Variants in GNG4 observed in about 807,000 individuals in gnomAD.
The protein encoded by GNG4 is guanine nucleotide-binding protein G(I)/G(S)/G(O) subunit gamma-4.
Under a neutral mutation model 5.8 loss-of-function variants are expected in GNG4, and 4 were observed. That is an observed-to-expected ratio of 0.69 (90% CI 0.34 to 1.57). The LOEUF is 1.57. Among genes scored for constraint, GNG4 ranks in the 40% most tolerant of loss-of-function variants. The pLI is 0.06. For synonymous variants in GNG4, 29 were observed against 32.9 expected, an observed-to-expected ratio of 0.88 and a Z score of 0.41; for missense variants, 96 against 95.1, an observed-to-expected ratio of 1.01 and a Z score of -0.04.
At chr1:235,557,003 G>T (rs1241113829) in intron 3 of GNG4, among the ~76,000 whole-genome samples, 1 of 152,064 alleles carries the variant, frequency 6.6e-6, no homozygotes, top group Non-Finnish European at 1.5e-5. Context: ...CAGAGCTCAA[G>T]CGGTAATGCA....
intron 2 of GNG4, among the ~76,000 whole-genome samples, chr1:235,587,583 GTGA>G (rs1265850772): frequency 5.8e-3 from 38 of 6,540 alleles, no homozygotes; most frequent in East Asian, 0.022. Context: ...TGGGGTGGCG[GTGA>G]GTGTGAGTGT....
At chr1:235,555,407 T>C (rs1298159073) in intron 3 of GNG4, among the ~76,000 whole-genome samples, 2 of 152,234 alleles carry the variant, frequency 1.3e-5, no homozygotes, top group Non-Finnish European at 2.9e-5. Flanking sequence ...TTACATTTAC[T>C]GAGTGCTTCT....
intron 3 of GNG4, among the ~76,000 whole-genome samples, chr1:235,558,268 C>T (rs200828770): frequency 2.0e-5 from 3 of 152,270 alleles, no homozygotes; most frequent in African/African-American, 2.4e-5. Flanking sequence ...GGCCCACTTA[C>T]GCACAGCTGC....
chr1:235,639,786 C>T (rs1336337962), intron 1 of GNG4, among the ~76,000 whole-genome samples: 1 of 152,214 alleles, frequency 6.6e-6, no homozygotes, highest in Non-Finnish European at 1.5e-5. Context: ...GGATATCAGG[C>T]GTGAGCCACC....
intron 1 of GNG4, among the ~76,000 whole-genome samples, chr1:235,603,220 G>A (rs1190074708): frequency 1.3e-5 from 2 of 151,436 alleles, no homozygotes; most frequent in Non-Finnish European, 2.9e-5. Context: ...CTCCAGCCTG[G>A]ACAACAGAGC....
intron 2 of GNG4, among the ~76,000 whole-genome samples, chr1:235,594,567 C>A (rs1007327333): frequency 6.6e-6 from 1 of 152,188 alleles, no homozygotes; most frequent in African/African-American, 2.4e-5. Context: ...AGGTCCCGAG[C>A]CCTGCCCCGC....
rs191294585 is a variant in GNG4, at chr1:235,603,955, C to T, written c.-122-8444G>A. Among the ~76,000 whole-genome samples the T allele has an allele frequency of 5.3e-5, 8 of 152,184 alleles. No homozygotes were observed. The South Asian group carries it at 1.0e-3, about 20-fold the overall frequency. On this transcript the variant is annotated intron_variant, in intron 1 of 3. Transcript: ENST00000391854. ...AGAAAGAGAAACTAGATCCACCTTC[C>T]GTGGGACCCTTCACGCTATCCACTC...
intron 3 of GNG4, among the ~76,000 whole-genome samples, chr1:235,573,264 G>A (rs1687389080): frequency 6.7e-6 from 1 of 149,876 alleles, no homozygotes; most frequent in South Asian, 2.1e-4. Flanking sequence ...ACTCATAGGT[G>A]GGAATTGAAC....
intron 1 of GNG4, among the ~76,000 whole-genome samples, chr1:235,632,194 T>C (rs1198854045): frequency 6.6e-6 from 1 of 152,082 alleles, no homozygotes; most frequent in African/African-American, 2.4e-5. Context: ...GCTCAAGTCA[T>C]CCTCCTGCCT....
intron 3 of GNG4, among the ~76,000 whole-genome samples, chr1:235,565,128 C>A (rs1225811354): frequency 6.6e-6 from 1 of 152,194 alleles, no homozygotes; most frequent in Non-Finnish European, 1.5e-5. Flanking sequence ...CCAGAGGAGG[C>A]AGGAGACCAC....
At chr1:235,580,892 A>G (rs1469748447) in intron 3 of GNG4, among the ~76,000 whole-genome samples, 2 of 152,014 alleles carry the variant, frequency 1.3e-5, no homozygotes, top group African/African-American at 4.8e-5. Context: ...CTGGGATTAC[A>G]GGCACACGTC....
chr1:235,560,000 G>A (rs1003069201), intron 3 of GNG4, among the ~76,000 whole-genome samples: 17 of 152,162 alleles, frequency 1.1e-4, no homozygotes, highest in African/African-American at 4.1e-4. Context: ...AACCAAGCCC[G>A]TTCAACAGGT....
At chr1:235,650,171 G>A (rs898740012), upstream of GNG4, among the ~76,000 whole-genome samples, 4 of 150,106 alleles carry the variant, frequency 2.7e-5, no homozygotes, top group South Asian at 2.1e-4. Flanking sequence ...TCCCAGCAAA[G>A]GGCCGCGCCC....
chr1:235,634,577 T>C (rs1688993087), intron 1 of GNG4, among the ~76,000 whole-genome samples: 1 of 152,232 alleles, frequency 6.6e-6, no homozygotes, highest in South Asian at 2.1e-4. Context: ...CTTATCTGTA[T>C]TTTCTTTCTG....
intron 3 of GNG4, among the ~76,000 whole-genome samples, chr1:235,561,408 C>G (rs761628789): frequency 6.9e-6 from 1 of 145,436 alleles, no homozygotes; most frequent in African/African-American, 2.8e-5. Flanking sequence ...CTCTCTCTCT[C>G]TATATATATA....
rs1294470989 is a variant in GNG4, at chr1:235,593,987, CT to C, written c.-11+1412del. Among the ~76,000 whole-genome samples the C allele has an allele frequency of 2.0e-5, 3 of 152,334 alleles. No individual in the cohort carries two copies. The East Asian group carries it at 5.8e-4, about 29-fold the overall frequency. On this transcript the variant is annotated intron_variant, in intron 2 of 3. Transcript: ENST00000391854. The stretch of plus-strand genomic sequence containing the variant: ...CTTTTATTCTCTAATCTGGCCCCAC[CT>C]ACATCCTGCTGAATGGTCCATTTTA...
intron 1 of GNG4, among the ~76,000 whole-genome samples, chr1:235,633,341 C>T (rs1688971835): frequency 6.6e-6 from 1 of 152,184 alleles, no homozygotes; most frequent in Non-Finnish European, 1.5e-5. Flanking sequence ...ATGACAAGAT[C>T]TGCCCTCTGT....
chr1:235,570,699 T>C (rs1687311923), intron 3 of GNG4, among the ~76,000 whole-genome samples: 1 of 151,528 alleles, frequency 6.6e-6, no homozygotes, highest in African/African-American at 2.4e-5. Context: ...GCACCCAGTC[T>C]AAATAAATTT....
chr1:235,629,199 A>G (rs1688886042), intron 1 of GNG4, among the ~76,000 whole-genome samples: 1 of 150,530 alleles, frequency 6.6e-6, no homozygotes. Context: ...AAAAAAAATG[A>G]AGACAGGGGC....
Sources: allele counts gnomAD v4.1 joint callset (sites outside exome capture counted in the v4.1 genomes callset), GRCh38; gene constraint gnomAD v4.1.1; transcripts MANE v1.5; gene names NCBI Gene and HGNC (gene_info 2026-07-23, HGNC 2026-07-21).